The following GRIK2 variants were observed in gnomAD, a reference collection of about 807,000 sequenced individuals.
GRIK2 encodes the protein glutamate receptor ionotropic, kainate 2.
GRIK2 carries 32 observed loss-of-function variants against 100.3 expected under a neutral mutation model. The ratio of observed to expected loss-of-function variants is 0.32; its 90% confidence interval spans 0.24 to 0.43. The LOEUF is 0.43. Ranked by LOEUF, GRIK2 falls within the 20% of genes least tolerant of loss-of-function variation. The pLI is 1.00. For missense variants in GRIK2, 843 were observed against 1,114.9 expected (o/e 0.76, Z 3.47); for synonymous variants, 417 against 389.4 (o/e 1.07, Z -0.83).
intron 7 of GRIK2, among the ~76,000 whole-genome samples, chr6:101,791,589 C>A (rs1562389157): frequency 1.3e-5 from 2 of 151,166 alleles, no homozygotes; most frequent in South Asian, 2.1e-4. Flanking sequence ...GTTATAATTT[C>A]TTTTTTTTTA....
chr6:101,935,184 T>C (rs1182598393), intron 14 of GRIK2, among the ~76,000 whole-genome samples: 1 of 151,926 alleles, frequency 6.6e-6, no homozygotes, highest in African/African-American at 2.4e-5. Context: ...TTTTACAATA[T>C]GACAATTAGA....
At chr6:101,601,758 C>T (rs1193225954) in intron 2 of GRIK2, among the ~76,000 whole-genome samples, 3 of 151,782 alleles carry the variant, frequency 2.0e-5, no homozygotes, top group African/African-American at 7.3e-5. Context: ...TTTTGTATTT[C>T]TGTGGGGTCA....
chr6:101,574,947 A>G (rs1254103460), intron 2 of GRIK2, among the ~76,000 whole-genome samples: 1 of 151,852 alleles, frequency 6.6e-6, no homozygotes, highest in African/African-American at 2.4e-5. Context: ...TTCTATTGAA[A>G]TAAATACCTC....
At chr6:102,005,725 A>G (rs1795181738) in intron 14 of GRIK2, among the ~76,000 whole-genome samples, 1 of 152,092 alleles carries the variant, frequency 6.6e-6, no homozygotes, top group Admixed American at 6.6e-5. Flanking sequence ...CAGTGAAAAT[A>G]TATTTTATTT....
chr6:101,869,518 T>G (rs1352395291), intron 11 of GRIK2, among the ~76,000 whole-genome samples: 1 of 151,898 alleles, frequency 6.6e-6, no homozygotes, highest in Admixed American at 6.6e-5. Flanking sequence ...AACTGGAGTT[T>G]ATTTTTTACG....
At chr6:101,839,484 GA>G (rs1333163550) in intron 10 of GRIK2, among the ~76,000 whole-genome samples, 1 of 148,208 alleles carries the variant, frequency 6.7e-6, no homozygotes, top group African/African-American at 2.7e-5. Flanking sequence ...CATCAAAGTA[GA>G]AAGCCTTTGT....
chr6:101,924,656 G>C lies in GRIK2; in HGVS notation c.1804G>C (p.Val602Leu). The change falls in exon 13 of 17, where the codon GTG (valine) becomes CTG (leucine). Residue 602 changes from valine (V) to leucine (L), a missense_variant. Physicochemically the swap from Val to Leu is conservative, Grantham distance 32. Transcript: ENST00000369134. ...PHPCNPDSDV[V>L]ENNFTLLNSF... Reference sequence around the variant, plus strand: ...CCCTTGCAACCCTGACTCAGACGTGGTGGAAAACAATTTTACCTTGCTAAA... The same window carrying C: ...CCCTTGCAACCCTGACTCAGACGTGCTGGAAAACAATTTTACCTTGCTAAA... The C allele has an allele frequency of 6.2e-7, 1 of 1,612,516 alleles. No individual in the cohort carries two copies. Among genetic ancestry groups the C allele is most frequent in the Non-Finnish European group, 8.5e-7 (1 of 1,178,508 alleles).
chr6:101,731,667 C>T (rs1302776141), intron 7 of GRIK2, among the ~76,000 whole-genome samples: 2 of 151,740 alleles, frequency 1.3e-5, no homozygotes, highest in Non-Finnish European at 2.9e-5. Context: ...ACATGGGAAC[C>T]AGGAAAATGT....
At chr6:101,665,698 CTA>C (rs1238438320) in intron 4 of GRIK2, among the ~76,000 whole-genome samples, 3 of 152,120 alleles carry the variant, frequency 2.0e-5, no homozygotes, top group Non-Finnish European at 4.4e-5. Context: ...ATTTGAGAGA[CTA>C]TGTTAGTTTA....
chr6:101,852,230 T>C (rs1467899145), intron 10 of GRIK2, among the ~76,000 whole-genome samples: 1 of 152,102 alleles, frequency 6.6e-6, no homozygotes, highest in Non-Finnish European at 1.5e-5. Context: ...ATAACCTAAA[T>C]GAAACAAAAG....
intron 4 of GRIK2, among the ~76,000 whole-genome samples, chr6:101,631,122 C>A (rs1780726408): frequency 6.6e-6 from 1 of 152,114 alleles, no homozygotes; most frequent in African/African-American, 2.4e-5. Context: ...TGCTTTTAAA[C>A]ACGCTGAAAG....
intron 12 of GRIK2, among the ~76,000 whole-genome samples, chr6:101,907,518 C>T (rs1168768020): frequency 1.3e-5 from 2 of 151,564 alleles, no homozygotes; most frequent in South Asian, 2.1e-4. Context: ...GATTGGTGAC[C>T]GCCTGCAGTG....
chr6:101,956,559 G>T (rs531211371), intron 14 of GRIK2, among the ~76,000 whole-genome samples: 1 of 151,352 alleles, frequency 6.6e-6, no homozygotes, highest in Non-Finnish European at 1.5e-5. Context: ...TCATAGCTCC[G>T]GTGTCTATTA....
intron 4 of GRIK2, among the ~76,000 whole-genome samples, chr6:101,656,988 T>C (rs186351399): frequency 1.3e-5 from 2 of 152,362 alleles, no homozygotes; most frequent in African/African-American, 2.4e-5. Flanking sequence ...TTAATAGCCA[T>C]GGGCCTTTCA....
chr6:101,588,668 G>GCACACACACGCACACA (rs891615574), intron 2 of GRIK2, among the ~76,000 whole-genome samples: 10 of 143,126 alleles, frequency 7.0e-5, no homozygotes, highest in Non-Finnish European at 1.2e-4. Context: ...ACACGCACAC[G>GCACACACACGCACACA]CACACACACA....
rs1050355556 is a variant in GRIK2 at position 101,490,363 on chromosome 6, A to G, written c.115+90971A>G. On this transcript the variant is annotated intron_variant, in intron 2 of 16. Coordinates refer to ENST00000369134, the MANE Select transcript of GRIK2 (RefSeq NM_021956.5). ...ACTTCTCCAAAGATATGGAGCCTAC[A>G]TATATTAGTGAAAGAGTCAAACCCT... Among the ~76,000 whole-genome samples the G allele has an allele frequency of 3.7e-4, 54 of 146,594 alleles. 4 individuals are homozygous for G. The highest frequency in any genetic ancestry group is 1.4e-3 in the African/African-American group (53 of 38,460).
intron 2 of GRIK2, among the ~76,000 whole-genome samples, chr6:101,569,198 T>G (rs1351521938): frequency 1.3e-5 from 2 of 152,036 alleles, no homozygotes; most frequent in Non-Finnish European, 2.9e-5. Flanking sequence ...CCAGATAGTT[T>G]TAATTTTAAT....
intron 2 of GRIK2, among the ~76,000 whole-genome samples, chr6:101,477,387 CA>C (rs1044769264): frequency 5.9e-5 from 9 of 152,196 alleles, no homozygotes; most frequent in Non-Finnish European, 7.3e-5. Flanking sequence ...AATTTGCCCA[CA>C]ATGGCCCTTC....
chr6:101,523,385 A>G (rs1774980437), intron 2 of GRIK2, among the ~76,000 whole-genome samples: 1 of 152,184 alleles, frequency 6.6e-6, no homozygotes, highest in Non-Finnish European at 1.5e-5. Flanking sequence ...GACCATCTCT[A>G]TCTGTTAGGG....
Sources: allele counts gnomAD v4.1 joint callset (sites outside exome capture counted in the v4.1 genomes callset), GRCh38; gene constraint gnomAD v4.1.1; transcripts MANE v1.5; gene names NCBI Gene and HGNC (gene_info 2026-07-23, HGNC 2026-07-21).